PPARGC1B: variants seen among roughly 807,000 people sequenced by gnomAD.
PPARGC1B encodes the protein PPARG coactivator 1 beta.
Under a neutral mutation model 101.6 loss-of-function variants are expected in PPARGC1B, and 34 were observed. That is an observed-to-expected ratio of 0.33 (90% CI 0.25 to 0.45). The LOEUF is 0.45. Among genes scored for constraint, PPARGC1B ranks in the 20% least tolerant of loss-of-function variants. PPARGC1B has a pLI of 1.00. For synonymous variants in PPARGC1B, 548 were observed against 539.3 expected, an observed-to-expected ratio of 1.02 and a Z score of -0.22; for missense variants, 1,234 against 1,317.6, an observed-to-expected ratio of 0.94 and a Z score of 0.98.
intron 1 of PPARGC1B, among the ~76,000 whole-genome samples, chr5:149,798,237 T>C (rs1218343469): frequency 6.6e-6 from 1 of 152,236 alleles, no homozygotes; most frequent in Non-Finnish European, 1.5e-5. Flanking sequence ...CAGCTAAACC[T>C]ACAACTGATT....
At chr5:149,830,959 C>T in intron 4 of PPARGC1B, 76 bp downstream of exon 4, 4 of 995,190 alleles carry the variant, frequency 4.0e-6, no homozygotes, top group Non-Finnish European at 4.8e-6. Context: ...TGGAGGATAG[C>T]GAGTTCAGTC....
intron 2 of PPARGC1B, among the ~76,000 whole-genome samples, chr5:149,826,142 C>T (rs745839652): frequency 6.6e-6 from 1 of 152,182 alleles, no homozygotes; most frequent in Non-Finnish European, 1.5e-5. Context: ...GCTACCTCCT[C>T]AGGAGTGAAT....
At chr5:149,768,581 CTA>C (rs1319709413) in intron 1 of PPARGC1B, among the ~76,000 whole-genome samples, 1 of 148,626 alleles carries the variant, frequency 6.7e-6, no homozygotes, top group African/African-American at 2.6e-5. Context: ...GTAGCTGAGA[CTA>C]TAAGTGCCCA....
chr5:149,743,630 C>G (rs570259857), intron 1 of PPARGC1B, among the ~76,000 whole-genome samples: 1 of 152,136 alleles, frequency 6.6e-6, no homozygotes, highest in Non-Finnish European at 1.5e-5. Flanking sequence ...ACAACATTTG[C>G]CTGATGTTTG....
downstream of PPARGC1B, among the ~76,000 whole-genome samples, chr5:149,857,087 T>C (rs750106909): frequency 2.0e-5 from 3 of 152,166 alleles, no homozygotes; most frequent in Non-Finnish European, 4.4e-5. Context: ...CTGCTTGGCT[T>C]TGAAACTTGG....
intron 3 of PPARGC1B, among the ~76,000 whole-genome samples, chr5:149,827,547 G>A (rs929083750): frequency 4.6e-5 from 7 of 152,326 alleles, no homozygotes; most frequent in African/African-American, 1.4e-4. Context: ...CAGTGGCACA[G>A]TAACTGTTCT....
At chr5:149,764,079 G>C (rs770752105) in intron 1 of PPARGC1B, among the ~76,000 whole-genome samples, 10 of 152,174 alleles carry the variant, frequency 6.6e-5, no homozygotes, top group Non-Finnish European at 1.2e-4. Flanking sequence ...AAAAAAGTTC[G>C]CATGTGATTT....
At chr5:149,746,221 A>G (rs1234928476) in intron 1 of PPARGC1B, among the ~76,000 whole-genome samples, 1 of 152,184 alleles carries the variant, frequency 6.6e-6, no homozygotes, top group Non-Finnish European at 1.5e-5. Flanking sequence ...CTTCCCAGGC[A>G]TTGCCATGGC....
chr5:149,769,787 C>A (rs964685875), intron 1 of PPARGC1B, among the ~76,000 whole-genome samples: 6 of 152,214 alleles, frequency 3.9e-5, no homozygotes, highest in African/African-American at 1.4e-4. Flanking sequence ...CTTCCAGAGA[C>A]TGCCCACATT....
intron 1 of PPARGC1B, among the ~76,000 whole-genome samples, chr5:149,744,456 A>G (rs910060334): frequency 6.6e-6 from 1 of 152,216 alleles, no homozygotes; most frequent in African/African-American, 2.4e-5. Flanking sequence ...CTTGTTCCTG[A>G]ATACATTACT....
intron 1 of PPARGC1B, among the ~76,000 whole-genome samples, chr5:149,810,903 T>C (rs935155644): frequency 6.6e-6 from 1 of 152,164 alleles, no homozygotes; most frequent in African/African-American, 2.4e-5. Flanking sequence ...ACCTTGGTTC[T>C]GTGTTATGGT....
chr5:149,831,449 G>C (rs1392920773), intron 4 of PPARGC1B, among the ~76,000 whole-genome samples: 4 of 152,164 alleles, frequency 2.6e-5, no homozygotes, highest in Non-Finnish European at 5.9e-5. Context: ...GGGAACTGTT[G>C]CATCCAATCC....
Position 149,845,846 on chromosome 5 carries a change from A to G in PPARGC1B, c.2903A>G (p.Asn968Ser). ...AAGGGCGCTGCCCTGAGGAAGCGCA[A>G]CGAGCCCTCCTTCCAGCTGAGCTAC... ...LTKGAALRKR[N>S]EPSFQLSYGG... Residue 968 changes from asparagine to serine, a missense_variant, in exon 11 of 12, where the codon AAC (asparagine) becomes AGC (serine). Around this residue, in one of 3 missense-constraint regions of PPARGC1B, gnomAD observed 497 missense variants for 529.5 expected, o/e 0.94. Coordinates refer to ENST00000309241, the MANE Select transcript of PPARGC1B (RefSeq NM_133263.4). 6.2e-7 allele frequency: 1 copy of G among 1,614,242 alleles called. No individual in the cohort carries two copies. Among genetic ancestry groups the G allele is most frequent in the Non-Finnish European group, 8.5e-7 (1 of 1,180,036 alleles).
chr5:149,788,887 G>A (rs184018452), intron 1 of PPARGC1B, among the ~76,000 whole-genome samples: 185 of 152,268 alleles, frequency 1.2e-3, no homozygotes, highest in African/African-American at 4.3e-3. Flanking sequence ...GAGAACACTT[G>A]GACACAGGGT....
intron 9 of PPARGC1B, 45 bp downstream of exon 9, chr5:149,840,161 C>T: frequency 1.3e-6 from 2 of 1,567,108 alleles, no homozygotes; most frequent in Non-Finnish European, 8.7e-7. Context: ...TGGGAACGGA[C>T]AGGAAGTGTG....
chr5:149,744,202 G>A (rs1755006329), intron 1 of PPARGC1B, among the ~76,000 whole-genome samples: 1 of 152,176 alleles, frequency 6.6e-6, no homozygotes, highest in African/African-American at 2.4e-5. Flanking sequence ...CTCATATGTT[G>A]CACCTGGCAC....
chr5:149,780,210 C>T (rs1246725186), intron 1 of PPARGC1B, among the ~76,000 whole-genome samples: 4 of 152,218 alleles, frequency 2.6e-5, no homozygotes, highest in Non-Finnish European at 5.9e-5. Context: ...AGCACAGGCT[C>T]CAGCGCAGGA....
rs1320123276 is a variant in PPARGC1B at position 149,826,705 on chromosome 5, G to A, written c.285G>A (p.Glu95=). The change falls in exon 3 of 12, where the codon GAG becomes GAA. Residue 95 remains glutamate, a synonymous_variant. Transcript: ENST00000309241. ...GTGAGAATGAGGCCCTCCTGGCAGA[G>A]CTCACCAAGACCCTGGATGACATCC... ...IDSENEALLA[E]LTKTLDDIPE... 3 of 1,613,692 alleles carry A rather than the reference G, an allele frequency of 1.9e-6. No individual in the cohort carries two copies. Among genetic ancestry groups the A allele is most frequent in the Non-Finnish European group, 2.5e-6 (3 of 1,179,894 alleles).
At chr5:149,736,953 T>C (rs1229901634) in intron 1 of PPARGC1B, among the ~76,000 whole-genome samples, 1 of 152,034 alleles carries the variant, frequency 6.6e-6, no homozygotes, top group East Asian at 1.9e-4. Flanking sequence ...GAGTCTGTAG[T>C]TTACATTAGG....
Sources: gnomAD v4.1 joint callset for allele counts (sites outside exome capture counted in the v4.1 genomes callset) on GRCh38, gnomAD v4.1.1 for gene constraint, gnomAD v4.1.1 regional missense constraint, MANE v1.5 for transcripts, NCBI Gene and HGNC (gene_info 2026-07-23, HGNC 2026-07-21) for gene names.